PCSK5: variants seen among roughly 807,000 people sequenced by gnomAD.
PCSK5 encodes prohormone convertase 5.
In PCSK5, 129 loss-of-function variants were observed where a neutral mutation model predicts 233.2. That is an observed-to-expected ratio of 0.55 (90% CI 0.48 to 0.64). The LOEUF (loss-of-function observed/expected upper bound fraction) is 0.64. Ranked by LOEUF, PCSK5 falls within the 30% of genes least tolerant of loss-of-function variation. The pLI, the probability that PCSK5 is intolerant of heterozygous loss-of-function variation, is 0.00. For synonymous variants in PCSK5, 825 were observed against 879.2 expected (o/e 0.94, Z 1.09); for missense variants, 2,076 against 2,430.1 (o/e 0.85, Z 3.06).
At chr9:76,100,193 C>A (rs560750602) in intron 8 of PCSK5, among the ~76,000 whole-genome samples, 11 of 152,000 alleles carry the variant, frequency 7.2e-5, no homozygotes, top group Non-Finnish European at 1.6e-4. Flanking sequence ...GCAAAGGAAG[C>A]GTTCAAAGTA....
chr9:76,008,033 T>C (rs112915618), intron 3 of PCSK5, among the ~76,000 whole-genome samples: 5 of 152,066 alleles, frequency 3.3e-5, no homozygotes, highest in Non-Finnish European at 5.9e-5. Context: ...CTCTGCTCCT[T>C]TGCACTCTGA....
At chr9:75,984,697 TA>T in intron 2 of PCSK5, among the ~76,000 whole-genome samples, 1 of 152,188 alleles carries the variant, frequency 6.6e-6, no homozygotes, top group Admixed American at 6.5e-5. Flanking sequence ...TGGTAAAGTG[TA>T]AGTCCTTCAA....
chr9:76,344,822 T>G (rs1292073146), intron 35 of PCSK5, among the ~76,000 whole-genome samples: 1 of 152,306 alleles, frequency 6.6e-6, no homozygotes, highest in East Asian at 1.9e-4. Context: ...TGGGGGCACT[T>G]GGGTCCTAAT....
chr9:76,031,692 AAATAAT>A (rs1294039439), intron 5 of PCSK5, among the ~76,000 whole-genome samples: 4 of 152,190 alleles, frequency 2.6e-5, no homozygotes, highest in Non-Finnish European at 1.5e-5. Flanking sequence ...CTGTCTCAAA[AAATAAT>A]AATAATAAAA....
At chr9:76,335,995 G>A (rs1421979471) in intron 34 of PCSK5, among the ~76,000 whole-genome samples, 1 of 152,170 alleles carries the variant, frequency 6.6e-6, no homozygotes, top group Non-Finnish European at 1.5e-5. Context: ...CTCTAATCCT[G>A]TGTATTCCCT....
chr9:75,893,555 A>G (rs1430632370), intron 1 of PCSK5, among the ~76,000 whole-genome samples: 2 of 152,196 alleles, frequency 1.3e-5, no homozygotes, highest in East Asian at 1.9e-4. Flanking sequence ...GAATTAATTG[A>G]GCAGAACTGG....
intron 20 of PCSK5, chr9:76,193,414 A>AAAAAAAAAAGCC (rs1824515411): frequency 9.5e-7 from 1 of 1,054,750 alleles, no homozygotes; most frequent in Admixed American, 6.8e-5. Context: ...TATTAAAAAG[A>AAAAAAAAAAGCC]AAAAAGCCAA....
chr9:75,931,238 T>C (rs1488021582), intron 1 of PCSK5, among the ~76,000 whole-genome samples: 2 of 142,776 alleles, frequency 1.4e-5, no homozygotes, highest in Non-Finnish European at 3.0e-5. Context: ...AAAATTAACA[T>C]GGGCCAAGAC....
intron 22 of PCSK5, among the ~76,000 whole-genome samples, chr9:76,234,429 T>G (rs191936929): frequency 2.0e-5 from 3 of 152,336 alleles, no homozygotes; most frequent in East Asian, 3.9e-4. Flanking sequence ...GTTACCAGCA[T>G]CATCATCCTT....
chr9:75,909,145 C>T (rs1003112321), intron 1 of PCSK5, among the ~76,000 whole-genome samples: 5 of 142,722 alleles, frequency 3.5e-5, no homozygotes, highest in South Asian at 2.3e-4. Context: ...GCCAACATGG[C>T]GAAACCCTTT....
chr9:76,179,575 G>A, intron 14 of PCSK5, 21 bp from the exon 15 acceptor site: 2 of 1,572,972 alleles, frequency 1.3e-6, no homozygotes, highest in Non-Finnish European at 1.7e-6. Flanking sequence ...TCCAAGTATT[G>A]TTCTAATGTC....
intron 7 of PCSK5, among the ~76,000 whole-genome samples, chr9:76,088,564 T>G (rs1243615334): frequency 6.6e-6 from 1 of 152,218 alleles, no homozygotes; most frequent in Non-Finnish European, 1.5e-5. Context: ...CTCATTCAAG[T>G]TACTTGTGGA....
intron 32 of PCSK5, among the ~76,000 whole-genome samples, chr9:76,323,660 T>A (rs931542184): frequency 1.3e-5 from 2 of 152,136 alleles, no homozygotes; most frequent in Non-Finnish European, 2.9e-5. Context: ...CTTTACCATC[T>A]CACTCAAGGA....
intron 24 of PCSK5, among the ~76,000 whole-genome samples, chr9:76,278,451 C>T (rs1200240298): frequency 6.6e-6 from 1 of 151,668 alleles, no homozygotes; most frequent in African/African-American, 2.4e-5. Flanking sequence ...TGACAAGCTC[C>T]CTCATGGGAG....
At chr9:75,972,349 C>A (rs190912966) in intron 2 of PCSK5, among the ~76,000 whole-genome samples, 6 of 152,246 alleles carry the variant, frequency 3.9e-5, no homozygotes, top group Admixed American at 3.9e-4. Context: ...TTAGGATTGT[C>A]TTGGCTATAT....
At chr9:75,987,374 G>A (rs911204610) in intron 3 of PCSK5, among the ~76,000 whole-genome samples, 1 of 152,100 alleles carries the variant, frequency 6.6e-6, no homozygotes, top group African/African-American at 2.4e-5. Flanking sequence ...ACTTTACACT[G>A]TAGTTATTCA....
At chr9:76,147,376 G>C (rs545844292) in intron 10 of PCSK5, among the ~76,000 whole-genome samples, 2 of 152,158 alleles carry the variant, frequency 1.3e-5, no homozygotes, top group Non-Finnish European at 1.5e-5. Context: ...TGGCATGAGG[G>C]AAGGGGTATT....
intron 21 of PCSK5, 129 bp from the exon 22 acceptor site, chr9:76,233,331 G>C: frequency 5.8e-6 from 5 of 865,222 alleles, no homozygotes; most frequent in Non-Finnish European, 7.2e-6. Flanking sequence ...ATCACTCCCA[G>C]GCATCCCCCT....
At chr9:76,126,181 A>ATGTGTGTGTGCGTG (rs1832846861) in intron 9 of PCSK5, among the ~76,000 whole-genome samples, 1 of 150,448 alleles carries the variant, frequency 6.6e-6, no homozygotes, top group African/African-American at 2.4e-5. Flanking sequence ...GTGTGTGTGT[A>ATGTGTGTGTGCGTG]TGTGTGTGTG....
Sources: allele counts gnomAD v4.1 joint callset (sites outside exome capture counted in the v4.1 genomes callset), GRCh38; gene constraint gnomAD v4.1.1; transcripts MANE v1.5; gene names NCBI Gene and HGNC (gene_info 2026-07-23, HGNC 2026-07-21).